C6orf118: variants seen among roughly 807,000 people sequenced by gnomAD.
C6orf118 encodes chromosome 6 open reading frame 118, also known as uncharacterized protein C6orf118.
C6orf118 carries 50 observed loss-of-function variants against 50.2 expected under a neutral mutation model. The observed-to-expected ratio is 1.00, with a 90% CI of 0.79 to 1.26. The LOEUF (loss-of-function observed/expected upper bound fraction) is 1.26, where lower values mean the gene tolerates loss of function less well. Ranked by LOEUF, C6orf118 falls within the 50% of genes most tolerant of loss-of-function variation. The pLI is 0.00. For synonymous variants in C6orf118, 239 were observed against 230.9 expected (o/e 1.03, Z -0.32); for missense variants, 641 against 578.7 (o/e 1.11, Z -1.10).
chr6:165,306,906 C>A (rs1013719602), intron 1 of C6orf118, among the ~76,000 whole-genome samples: 9 of 147,222 alleles, frequency 6.1e-5, no homozygotes, highest in South Asian at 2.2e-4. Context: ...ATTTTCCCAT[C>A]TGAAAACATT....
intron 7 of C6orf118, among the ~76,000 whole-genome samples, chr6:165,286,299 T>A (rs1199699524): frequency 1.3e-5 from 2 of 151,410 alleles, no homozygotes; most frequent in Non-Finnish European, 3.0e-5. Flanking sequence ...TCCACAAATT[T>A]TTTTTAAAAA....
chr6:165,292,405 C>T lies in C6orf118; in HGVS notation c.1120+1008G>A, dbSNP rs147171254. On this transcript the variant is annotated intron_variant, in intron 6 of 8. Coordinates refer to ENST00000230301, the MANE Select transcript of C6orf118 (RefSeq NM_144980.4). ...GGGAACAGTGGGCTAGGATCAAACA[C>T]GAAGAAAGATTACTAGAGCTCTGGA... 9.7e-4 allele frequency among the ~76,000 whole-genome samples: 147 copies of T among 152,242 alleles called. 1 individual carries two copies. The highest frequency in any genetic ancestry group is 2.7e-3 in the African/African-American group (113 of 41,558).
At chr6:165,284,543 T>C (rs956661034) in intron 7 of C6orf118, among the ~76,000 whole-genome samples, 1 of 151,926 alleles carries the variant, frequency 6.6e-6, no homozygotes, top group Non-Finnish European at 1.5e-5. Flanking sequence ...AAGGTTGAAA[T>C]GAAGGAAAAA....
chr6:165,302,995 C>T (rs947991354), intron 1 of C6orf118, among the ~76,000 whole-genome samples: 1 of 152,348 alleles, frequency 6.6e-6, no homozygotes, highest in South Asian at 2.1e-4. Flanking sequence ...TAACACGTTA[C>T]TGAACACTTC....
At chr6:165,289,742 C>T (rs1780039854) in intron 7 of C6orf118, 144 bp downstream of exon 7, 4 of 461,220 alleles carry the variant, frequency 8.7e-6, no homozygotes, top group South Asian at 5.3e-5. Context: ...TGATTATTTG[C>T]TACAAACATT....
At chr6:165,286,546 C>A (rs529966093) in intron 7 of C6orf118, among the ~76,000 whole-genome samples, 1 of 152,034 alleles carries the variant, frequency 6.6e-6, no homozygotes, top group African/African-American at 2.4e-5. Context: ...ACTGGCAAAC[C>A]GAATACAGCA....
chr6:165,302,430 C>T lies in C6orf118; in HGVS notation c.26-134G>A, dbSNP rs1041024014. 4.3e-6 allele frequency: 5 copies of T among 1,164,560 alleles called. No individual in the cohort carries two copies. The African/African-American group carries it at 7.8e-5, about 18-fold the overall frequency. The allele number at this position is 1,164,560 out of a possible 1,614,324, so 72.1% of individuals were successfully genotyped here. On this transcript the variant is annotated intron_variant, in intron 1 of 8. Coordinates refer to ENST00000230301, the MANE Select transcript of C6orf118 (RefSeq NM_144980.4). ...AGAAACAGACGAACAGAGTACATGGCCCAGCCCTTAAAAGTCAAAGGCACC... is the reference window on the plus strand; with the variant it reads ...AGAAACAGACGAACAGAGTACATGGTCCAGCCCTTAAAAGTCAAAGGCACC...
intron 6 of C6orf118, among the ~76,000 whole-genome samples, chr6:165,291,605 G>A (rs780292508): frequency 5.9e-5 from 9 of 152,122 alleles, no homozygotes; most frequent in South Asian, 4.1e-4. Flanking sequence ...AAGAGGCCAC[G>A]TCTAATAGGC....
chr6:165,281,466 G>A, intron 8 of C6orf118, 174 bp downstream of exon 8: 1 of 1,347,652 alleles, frequency 7.4e-7, no homozygotes, highest in Non-Finnish European at 9.6e-7. Flanking sequence ...CTTTTATCAT[G>A]ATGTCAATAC....
At chr6:165,288,290 G>C (rs1013092779) in intron 7 of C6orf118, among the ~76,000 whole-genome samples, 1 of 152,144 alleles carries the variant, frequency 6.6e-6, no homozygotes, top group African/African-American at 2.4e-5. Flanking sequence ...AACAGATGCT[G>C]GCAAAGTTGT....
At chr6:165,282,170 A>G (rs1779749770) in intron 7 of C6orf118, 1 of 152,284 alleles carries the variant, frequency 6.6e-6, no homozygotes, top group Non-Finnish European at 1.5e-5. Flanking sequence ...ATAAAAATAC[A>G]TTAAGTAAGT....
At position 165,301,769 on chromosome 6, in the gene C6orf118, G is replaced by A. The variant is rs1197466889; in HGVS notation, c.553C>T (p.Leu185=). 1.2e-6 allele frequency: 2 copies of A among 1,614,090 alleles called. No individual in the cohort carries two copies. Among genetic ancestry groups the A allele is most frequent in the South Asian group, 1.1e-5 (1 of 91,088 alleles). Residue 185 remains leucine, a synonymous_variant, in exon 2 of 9, where the codon CTG becomes TTG. Coordinates refer to ENST00000230301, the MANE Select transcript of C6orf118 (RefSeq NM_144980.4). ...CTGGACCCGGCCTCCTGGTAGCACAGCACCTTCAAGTCGGGCAGCCGGAGT... is the reference window on the plus strand; with the variant it reads ...CTGGACCCGGCCTCCTGGTAGCACAACACCTTCAAGTCGGGCAGCCGGAGT... ...EELRLPDLKV[L]CYQEAGSRGT... is the part of the protein sequence containing the mutation.
intron 7 of C6orf118, among the ~76,000 whole-genome samples, chr6:165,287,101 A>G (rs866837434): frequency 5.3e-5 from 8 of 152,170 alleles, no homozygotes; most frequent in African/African-American, 1.4e-4. Flanking sequence ...CAAAATCAAT[A>G]TGCAAAAATT....
intron 5 of C6orf118, among the ~76,000 whole-genome samples, chr6:165,294,784 G>T (rs1780233384): frequency 6.6e-6 from 1 of 152,158 alleles, no homozygotes; most frequent in Non-Finnish European, 1.5e-5. Flanking sequence ...TTGGGAGGCT[G>T]AAGTAGGAGG....
intron 1 of C6orf118, among the ~76,000 whole-genome samples, chr6:165,304,826 C>T (rs1428140626): frequency 3.6e-5 from 1 of 27,654 alleles, no homozygotes; most frequent in Non-Finnish European, 5.9e-5. Context: ...TAAAAGAGGA[C>T]ACAAACAAAT....
intron 7 of C6orf118, among the ~76,000 whole-genome samples, chr6:165,282,180 T>A (rs1779750103): frequency 6.6e-6 from 1 of 152,142 alleles, no homozygotes; most frequent in African/African-American, 2.4e-5. Context: ...ATTAAGTAAG[T>A]ATAAAATAAT....
rs1389531275 is a variant in C6orf118, at chr6:165,289,192, GAA to G, written c.1302+692_1302+693del. Among the ~76,000 whole-genome samples, 9 of 149,148 alleles carry G rather than the reference GAA, an allele frequency of 6.0e-5. No individual in the cohort carries two copies. The East Asian group carries it at 1.6e-3, about 26-fold the overall frequency. On this transcript the variant is annotated intron_variant, in intron 7 of 8. Transcript: ENST00000230301. ...CCCCCTCCAAAAAAAAAAAGAAAAA[GAA>G]AAAGAAAAAAGAACATCCGAACATA...
intron 7 of C6orf118, among the ~76,000 whole-genome samples, chr6:165,282,647 C>CTTT (rs3079844): frequency 0.029 from 4,062 of 141,108 alleles, 214 homozygotes; most frequent in African/African-American, 0.09. Context: ...ACATTCAGCT[C>CTTT]TTTTTTTTTT....
chr6:165,293,888 T>C (rs998432908), intron 5 of C6orf118, among the ~76,000 whole-genome samples: 7 of 152,234 alleles, frequency 4.6e-5, no homozygotes. Flanking sequence ...ACGGCATCTT[T>C]CCTGTGTATT....
Sources: gnomAD v4.1 joint callset for allele counts (sites outside exome capture counted in the v4.1 genomes callset) on GRCh38, gnomAD v4.1.1 for gene constraint, MANE v1.5 for transcripts, NCBI Gene and HGNC (gene_info 2026-07-23, HGNC 2026-07-21) for gene names.